The following GATAD1 variants were observed in gnomAD, a reference collection of about 807,000 sequenced individuals.
GATAD1 encodes the protein GATA zinc finger domain containing 1.
A neutral mutation model predicts 26.5 loss-of-function variants in GATAD1; 12 were observed. The ratio of observed to expected loss-of-function variants is 0.45; its 90% confidence interval spans 0.29 to 0.73. The LOEUF is 0.73. Among genes scored for constraint, GATAD1 ranks in the 30% least tolerant of loss-of-function variants. GATAD1 has a pLI of 0.10. For missense variants in GATAD1, 266 were observed against 342.1 expected, an observed-to-expected ratio of 0.78 and a Z score of 1.75; for synonymous variants, 129 against 133.1, an observed-to-expected ratio of 0.97 and a Z score of 0.21.
intron 2 of GATAD1, chr7:92,449,228 CT>C (rs902031792): frequency 9.9e-4 from 842 of 847,120 alleles, no homozygotes; most frequent in African/African-American, 1.4e-3. Context: ...ACTAAGAAAA[CT>C]TTTTTTTTTC....
At chr7:92,489,816 C>T in the GATAD1 span, 2 of 1,613,942 alleles carry the variant, frequency 1.2e-6, no homozygotes, top group South Asian at 1.1e-5. Flanking sequence ...GTGAAGCTGT[C>T]CTTAACACTG....
chr7:92,493,083 A>G, the GATAD1 span: 2 of 1,612,502 alleles, frequency 1.2e-6, no homozygotes, highest in Non-Finnish European at 8.5e-7. Context: ...ATCATCTGCC[A>G]GAGGTAGAGA....
chr7:92,491,643 G>C, the GATAD1 span: 1 of 627,366 alleles, frequency 1.6e-6, no homozygotes, highest in African/African-American at 1.9e-5. Flanking sequence ...ATTCTCTAAC[G>C]GTTTTGAGGC....
At chr7:92,493,969 GT>G in the GATAD1 span, 365 of 281,702 alleles carry the variant, frequency 1.3e-3, no homozygotes, top group South Asian at 2.1e-3. Flanking sequence ...CTGTATCAGA[GT>G]TTTTTTTTTG....
At chr7:92,470,248 C>G in the GATAD1 span, 1 of 778,664 alleles carries the variant, frequency 1.3e-6, no homozygotes. Flanking sequence ...ATCAATATTT[C>G]CGGGACGCTG....
At position 92,458,940 on chromosome 7, in the gene GATAD1, G is replaced by C. The variant is rs1458040874; in HGVS notation, c.*2378G>C. 6.6e-6 allele frequency: 1 copy of C among 152,172 alleles called. No homozygotes were observed. The highest frequency in any genetic ancestry group is 2.4e-5 in the African/African-American group (1 of 41,430). The allele number at this position is 152,172 out of a possible 1,614,324, so 9.4% of individuals were successfully genotyped here. On this transcript the variant is annotated 3_prime_UTR_variant, in exon 5 of 5. Coordinates refer to ENST00000287957, the MANE Select transcript of GATAD1 (RefSeq NM_021167.5). The stretch of plus-strand genomic sequence containing the variant: ...AGTATCGTACTTAGAATTTGGAGTA[G>C]AGGCCGGGCACAGTGGCTCACGCCT...
intron 2 of GATAD1, chr7:92,449,687 A>T (rs371049711): frequency 1.6e-4 from 102 of 634,070 alleles, no homozygotes; most frequent in South Asian, 1.4e-4. Flanking sequence ...TTTTTTTTTT[A>T]ATTTAATTTA....
chr7:92,460,176 A>C (rs368929296), downstream of GATAD1, among the ~76,000 whole-genome samples: 2 of 152,218 alleles, frequency 1.3e-5, no homozygotes, highest in East Asian at 1.9e-4. Flanking sequence ...CAATAGAGGG[A>C]AATGTATTTA....
downstream of GATAD1, chr7:92,462,842 A>T (rs568440505): frequency 3.9e-5 from 6 of 152,338 alleles, no homozygotes; most frequent in Non-Finnish European, 8.8e-5. Flanking sequence ...CCAGGAAGAG[A>T]GCTCTCACCA....
At position 92,459,254 on chromosome 7, in the gene GATAD1, ATT is replaced by A. The variant is rs1449912446; in HGVS notation, c.*2693_*2694del. On this transcript the variant is annotated 3_prime_UTR_variant, in exon 5 of 5. Coordinates refer to ENST00000287957, the MANE Select transcript of GATAD1 (RefSeq NM_021167.5). ...AAAAAAAAAAAAGATTTTGGAGTAG[ATT>A]CATCATTAATAAGTAACAGATTTTA... is the stretch of plus-strand genomic sequence containing the variant. 6.6e-6 allele frequency: 1 copy of A among 152,014 alleles called. No individual in the cohort carries two copies. Among genetic ancestry groups the A allele is most frequent in the African/African-American group, 2.4e-5 (1 of 41,398 alleles). The allele number at this position is 152,014 out of a possible 1,614,324, so 9.4% of individuals were successfully genotyped here.
chr7:92,477,871 G>C, the GATAD1 span: 1 of 155,138 alleles, frequency 6.4e-6, no homozygotes, highest in Non-Finnish European at 1.4e-5. Context: ...GAAGAGTGCA[G>C]TTGCAAGATT....
At chr7:92,487,261 A>G in the GATAD1 span, 2 of 372,094 alleles carry the variant, frequency 5.4e-6, no homozygotes, top group Non-Finnish European at 4.8e-6. Context: ...ATCTGTTATA[A>G]TGTCCCAATT....
rs112382994 is a variant in GATAD1, at chr7:92,459,207, C to CA, written c.*2645_*2646insA. 6.8e-6 allele frequency: 1 copy of CA among 146,242 alleles called. No individual in the cohort carries two copies. Among genetic ancestry groups the CA allele is most frequent in the Non-Finnish European group, 1.5e-5 (1 of 67,070 alleles). The allele number at this position is 146,242 out of a possible 1,614,324, so 9.1% of individuals were successfully genotyped here. Reference sequence around the variant, plus strand: ...CGCCACTGCACTCCAGTCTGGGTGACGGCATGACTCCATCTCCAAAAAAAA... The same window carrying CA: ...CGCCACTGCACTCCAGTCTGGGTGACAGGCATGACTCCATCTCCAAAAAAAA... On this transcript the variant is annotated 3_prime_UTR_variant, in exon 5 of 5. Coordinates refer to ENST00000287957, the MANE Select transcript of GATAD1 (RefSeq NM_021167.5).
chr7:92,447,956 A>ACGGGGG lies in GATAD1; in HGVS notation c.237_242dup (p.Gly80_Gly81dup), dbSNP rs1415933913. Reference sequence around the variant, plus strand: ...ACCTCCGCCACCCCTCCGCAGAGCAACGGGGGCGGGGGCGGCAAGCAGGTG... The same window carrying ACGGGGG: ...ACCTCCGCCACCCCTCCGCAGAGCAACGGGGGCGGGGGCGGGGGCGGCAAGCAGGTG... On this transcript the variant is annotated inframe_insertion, in exon 1 of 5. Transcript: ENST00000287957. 4.1e-6 allele frequency: 5 copies of ACGGGGG among 1,225,518 alleles called. No individual in the cohort carries two copies. Among genetic ancestry groups the ACGGGGG allele is most frequent in the Admixed American group, 4.3e-5 (1 of 23,088 alleles). 75.9% of individuals were successfully genotyped at this position (1,225,518 alleles called of 1,614,324 possible).
At chr7:92,494,523 A>G in the GATAD1 span, 1 of 1,613,992 alleles carries the variant, frequency 6.2e-7, no homozygotes, top group South Asian at 1.1e-5. Flanking sequence ...TGAGTCAGCA[A>G]CTGGTTAACT....
chr7:92,485,854 A>G, the GATAD1 span, among the ~76,000 whole-genome samples: 1 of 152,250 alleles, frequency 6.6e-6, no homozygotes, highest in African/African-American at 2.4e-5. Context: ...CCAGATGACC[A>G]GAAATTTGGA....
chr7:92,487,498 C>T, the GATAD1 span: 1 of 1,595,694 alleles, frequency 6.3e-7, no homozygotes, highest in Non-Finnish European at 8.6e-7. Context: ...AACATTGTTC[C>T]ACTTTGATTT....
At chr7:92,472,543 T>G in the GATAD1 span, 2 of 152,232 alleles carry the variant, frequency 1.3e-5, no homozygotes, top group Non-Finnish European at 2.9e-5. Flanking sequence ...GTTGGCAAAC[T>G]TAACACTGGG....
intron 2 of GATAD1, 136 bp downstream of exon 2, chr7:92,449,013 C>A: frequency 9.2e-7 from 1 of 1,083,854 alleles, no homozygotes; most frequent in Non-Finnish European, 1.3e-6. Flanking sequence ...GGTCCAGATT[C>A]CCCAAAAGGG....
Sources: gnomAD v4.1 joint callset for allele counts (sites outside exome capture counted in the v4.1 genomes callset) on GRCh38, gnomAD v4.1.1 for gene constraint, MANE v1.5 for transcripts, NCBI Gene and HGNC (gene_info 2026-07-23, HGNC 2026-07-21) for gene names.